Variants in PIWIL1 observed in about 807,000 individuals in gnomAD.
PIWIL1 encodes the protein piwi-like protein 1.
A neutral mutation model predicts 114.4 loss-of-function variants in PIWIL1; 73 were observed. The observed-to-expected ratio is 0.64, with a 90% confidence interval of 0.53 to 0.78. The LOEUF (loss-of-function observed/expected upper bound fraction) is 0.78. Ranked by LOEUF, PIWIL1 falls within the 30% of genes least tolerant of loss-of-function variation. The probability of loss-of-function intolerance (pLI) is 0.00; values close to 1 mark genes in which losing one functional copy is unlikely to be tolerated. For missense variants in PIWIL1, 723 were observed against 1,063.1 expected, an observed-to-expected ratio of 0.68 and a Z score of 4.45; for synonymous variants, 375 against 369.0, an observed-to-expected ratio of 1.02 and a Z score of -0.19.
At chr12:130,354,447 T>C (rs2073304951) in intron 9 of PIWIL1, 90 bp from the exon 10 acceptor site, 2 of 1,542,104 alleles carry the variant, frequency 1.3e-6, no homozygotes, top group Admixed American at 1.8e-5. Context: ...ATCAGCTCTT[T>C]ATTTTTTTAA....
intron 13 of PIWIL1, among the ~76,000 whole-genome samples, 177 bp downstream of exon 13, chr12:130,357,282 G>C (rs2136166336): frequency 6.6e-6 from 1 of 152,164 alleles, no homozygotes; most frequent in Admixed American, 6.5e-5. Context: ...AAGCAACCAA[G>C]TAAGACAGTT....
intron 10 of PIWIL1, 24 bp downstream of exon 10, chr12:130,354,687 G>T (rs760453817): frequency 1.9e-6 from 3 of 1,550,196 alleles, no homozygotes; most frequent in East Asian, 2.3e-5. Context: ...TCATTTACTC[G>T]GAAGGAAGCC....
In PIWIL1 at chr12:130,343,032, C is replaced by A. The variant is rs370704151; in HGVS notation, c.121C>A (p.Pro41Thr). ...GYIQPRPQPP[P>T]AEGELFGRGR... is the part of the protein sequence containing the mutation. ...TATTCAGCCTAGGCCTCAGCCGCCA[C>A]CAGCAGAGGGGGAATTATTTGGCCG... The change falls in exon 3 of 21, where the codon CCA becomes ACA. Residue 41 changes from proline to threonine, a missense_variant. Transcript: ENST00000245255. The A allele has an allele frequency of 5.0e-5, 80 of 1,613,934 alleles. No homozygotes were observed. Among genetic ancestry groups the A allele is most frequent in the Non-Finnish European group, 6.2e-5 (73 of 1,179,982 alleles).
At position 130,342,973 on chromosome 12, in the gene PIWIL1, T is replaced by C. The variant is rs764477593; in HGVS notation, c.79-17T>C. 4 of 1,588,178 alleles carry C rather than the reference T, an allele frequency of 2.5e-6. No homozygotes were observed. Among genetic ancestry groups the C allele is most frequent in the Non-Finnish European group, 2.6e-6 (3 of 1,156,382 alleles). Reference sequence around the variant, plus strand: ...CGCTTGACGAAAAGAATGTTCTTTATTTGCATGTAACTACAGAGTCAGCAA... The same window carrying C: ...CGCTTGACGAAAAGAATGTTCTTTACTTGCATGTAACTACAGAGTCAGCAA... On this transcript the variant is annotated splice_polypyrimidine_tract_variant and intron_variant, in intron 2 of 20. Transcript: ENST00000245255.
chr12:130,412,015 A>G, the PIWIL1 span, among the ~76,000 whole-genome samples: 1 of 152,158 alleles, frequency 6.6e-6, no homozygotes, highest in African/African-American at 2.4e-5. Flanking sequence ...TTTTGAGACT[A>G]CAGAGGCTTT....
intron 10 of PIWIL1, 74 bp downstream of exon 10, chr12:130,354,737 T>C (rs952223496): frequency 6.6e-7 from 1 of 1,513,200 alleles, no homozygotes; most frequent in African/African-American, 1.4e-5. Context: ...CCTCAGACAT[T>C]CCTTTACTTC....
At chr12:130,380,962 G>A in the PIWIL1 span, among the ~76,000 whole-genome samples, 12 of 152,180 alleles carry the variant, frequency 7.9e-5, no homozygotes, top group East Asian at 2.3e-3. Context: ...ATTTTTTAGA[G>A]GAGCTTTAGG....
At chr12:130,414,116 A>G in the PIWIL1 span, 3 of 1,613,978 alleles carry the variant, frequency 1.9e-6, no homozygotes, top group Non-Finnish European at 2.5e-6. Context: ...GCAGGCAGCC[A>G]TCCCGCACCT....
At chr12:130,339,031 ACC>A (rs1322876195) in intron 1 of PIWIL1, among the ~76,000 whole-genome samples, 1 of 151,882 alleles carries the variant, frequency 6.6e-6, no homozygotes, top group Non-Finnish European at 1.5e-5. Flanking sequence ...CTCCCGCACT[ACC>A]CACGCGGCCG....
At position 130,371,522 on chromosome 12, in the gene PIWIL1, A is replaced by C. The variant is rs1263310384; in HGVS notation, c.2510A>C (p.Lys837Thr). The change falls in exon 21 of 21, where the codon AAG becomes ACG. Residue 837 changes from lysine (K) to threonine (T), a missense_variant. Around this residue, in one of 8 missense-constraint regions of PIWIL1, gnomAD observed 106 missense variants for 182.8 expected, o/e 0.58. Coordinates refer to ENST00000245255, the MANE Select transcript of PIWIL1 (RefSeq NM_004764.5). ...CCTGCTCCTTGCCAGTACGCCCACAAGCTGGCTTTTCTTGTTGGCCAGAGT... is the reference window on the plus strand; with the variant it reads ...CCTGCTCCTTGCCAGTACGCCCACACGCTGGCTTTTCTTGTTGGCCAGAGT... ...RVPAPCQYAH[K>T]LAFLVGQSIH... The C allele has an allele frequency of 6.2e-7, 1 of 1,614,200 alleles. No individual in the cohort carries two copies. The highest frequency in any genetic ancestry group is 8.5e-7 in the Non-Finnish European group (1 of 1,180,028).
At chr12:130,407,527 C>A in the PIWIL1 span, among the ~76,000 whole-genome samples, 3 of 152,178 alleles carry the variant, frequency 2.0e-5, no homozygotes, top group Admixed American at 6.5e-5. Flanking sequence ...AGGGGCTGGC[C>A]ATGTCCCTGG....
At chr12:130,424,451 C>A in the PIWIL1 span, 1 of 1,232,244 alleles carries the variant, frequency 8.1e-7, no homozygotes, top group Non-Finnish European at 1.0e-6. This position sits in a 1 kb window ranked among gnomAD's most constrained non-coding sequence, Gnocchi z 9.8. Context: ...CTGGGCTGCA[C>A]GCGGCCACGG....
chr12:130,409,336 T>C, the PIWIL1 span, among the ~76,000 whole-genome samples: 1 of 114,628 alleles, frequency 8.7e-6, no homozygotes, highest in African/African-American at 4.0e-5. Context: ...ATGTAGCTTT[T>C]TTTTTTTTTT....
the PIWIL1 span, among the ~76,000 whole-genome samples, chr12:130,388,057 C>G: frequency 6.6e-6 from 1 of 152,172 alleles, no homozygotes; most frequent in Non-Finnish European, 1.5e-5. Flanking sequence ...TCCCTTTTCT[C>G]CATATGGAAT....
At chr12:130,416,878 C>G in the PIWIL1 span, among the ~76,000 whole-genome samples, 42 of 152,050 alleles carry the variant, frequency 2.8e-4, no homozygotes, top group African/African-American at 9.6e-4. Flanking sequence ...CAAAAAATGA[C>G]TCCATTAAAA....
At chr12:130,412,509 T>C in the PIWIL1 span, 1 of 1,009,630 alleles carries the variant, frequency 9.9e-7, no homozygotes. Context: ...GACTTTGGCA[T>C]ATTTAAATGA....
chr12:130,405,995 C>G, the PIWIL1 span, among the ~76,000 whole-genome samples: 2 of 152,166 alleles, frequency 1.3e-5, no homozygotes, highest in African/African-American at 2.4e-5. Flanking sequence ...TCCCAACTTT[C>G]TAGATTATCT....
intron 1 of PIWIL1, among the ~76,000 whole-genome samples, chr12:130,340,300 T>A (rs935912121): frequency 6.6e-6 from 1 of 152,160 alleles, no homozygotes; most frequent in South Asian, 2.1e-4. Flanking sequence ...TGCTTTCAGA[T>A]TGATTTGTAG....
the PIWIL1 span, among the ~76,000 whole-genome samples, chr12:130,395,691 C>T: frequency 1.3e-5 from 2 of 151,988 alleles, no homozygotes; most frequent in Non-Finnish European, 1.5e-5. Flanking sequence ...TTCATCTTGC[C>T]GTAAGTGTGT....
Sources: gnomAD v4.1 joint callset for allele counts (sites outside exome capture counted in the v4.1 genomes callset) on GRCh38, gnomAD v4.1.1 for gene constraint, gnomAD v4.1.1 regional missense constraint, Gnocchi (gnomAD v3.1) non-coding constraint, MANE v1.5 for transcripts, NCBI Gene and HGNC (gene_info 2026-07-23, HGNC 2026-07-21) for gene names.